Variants in BACH2 observed in about 807,000 individuals in gnomAD.
The protein encoded by BACH2 is BACH transcriptional regulator 2.
Under a neutral mutation model 61.8 loss-of-function variants are expected in BACH2, and 5 were observed. The observed-to-expected ratio is 0.08, with a 90% CI of 0.04 to 0.17. BACH2 has a LOEUF of 0.17. Among genes scored for constraint, BACH2 ranks in the 10% least tolerant of loss-of-function variants. The probability of loss-of-function intolerance (pLI) is 1.00; values close to 1 mark genes in which losing one functional copy is unlikely to be tolerated. For synonymous variants in BACH2, 446 were observed against 440.1 expected, an observed-to-expected ratio of 1.01 and a Z score of -0.17; for missense variants, 824 against 1,091.1, an observed-to-expected ratio of 0.76 and a Z score of 3.45.
At chr6:90,079,912 T>C (rs565352758) in intron 5 of BACH2, among the ~76,000 whole-genome samples, 1 of 152,072 alleles carries the variant, frequency 6.6e-6, no homozygotes, top group Non-Finnish European at 1.5e-5. Flanking sequence ...TGTTTGTACT[T>C]TCATTTTTTT....
intron 2 of BACH2, among the ~76,000 whole-genome samples, chr6:90,261,548 C>T (rs1397258993): frequency 6.6e-6 from 1 of 152,102 alleles, no homozygotes; most frequent in Non-Finnish European, 1.5e-5. Flanking sequence ...CTTGCTTGAC[C>T]CCTCTGAAGT....
rs375018039 is a variant in BACH2, at chr6:90,154,115, G to T, written c.-162+52454C>A. 1.8e-4 allele frequency among the ~76,000 whole-genome samples: 27 copies of T among 152,242 alleles called. No homozygotes were observed. In the South Asian group the frequency reaches 4.8e-3, roughly 27 times the overall value. ...TCAATAGCCCAACTCCCTACTCAGA[G>T]ATACTACTATAAAAGCTGTATTTTG... On this transcript the variant is annotated intron_variant, in intron 4 of 8. Transcript: ENST00000257749.
intron 4 of BACH2, among the ~76,000 whole-genome samples, chr6:90,175,009 G>A (rs1220669383): frequency 6.6e-6 from 1 of 151,962 alleles, no homozygotes; most frequent in African/African-American, 2.4e-5. Context: ...AGGTACATAA[G>A]GGTTTCAGTA....
At chr6:90,073,041 A>T (rs937985673) in intron 5 of BACH2, among the ~76,000 whole-genome samples, 1 of 152,284 alleles carries the variant, frequency 6.6e-6, no homozygotes, top group African/African-American at 2.4e-5. Context: ...GAAATGCAAC[A>T]GATGGTACTG....
intron 6 of BACH2, among the ~76,000 whole-genome samples, chr6:89,993,473 G>T (rs1209164631): frequency 6.6e-6 from 1 of 152,166 alleles, no homozygotes; most frequent in Non-Finnish European, 1.5e-5. Flanking sequence ...AGGCTCCTGA[G>T]AAGGAAGCAA....
chr6:90,016,062 T>G (rs937517482), intron 5 of BACH2, among the ~76,000 whole-genome samples: 1 of 152,208 alleles, frequency 6.6e-6, no homozygotes, highest in African/African-American at 2.4e-5. Context: ...CTACTTTGTC[T>G]CATATTAACA....
At chr6:89,978,834 AT>A (rs1463554725) in intron 6 of BACH2, among the ~76,000 whole-genome samples, 3 of 152,194 alleles carry the variant, frequency 2.0e-5, no homozygotes, top group African/African-American at 7.2e-5. Flanking sequence ...TCCCTGACTT[AT>A]AAACATCCCC....
At position 89,932,159 on chromosome 6, in the gene BACH2, A is replaced by G. The variant is rs1291489055; in HGVS notation, c.*249T>C. 4 of 438,398 alleles carry G rather than the reference A, an allele frequency of 9.1e-6. No individual in the cohort carries two copies. The Admixed American group carries it at 1.1e-4, about 12-fold the overall frequency. The allele number at this position is 438,398 out of a possible 1,614,324, so 27.2% of individuals were successfully genotyped here. A position where few individuals can be genotyped will look rare whatever the true frequency, so the allele number is the denominator to read the frequency against. ...TCCCTGTGAAGACTGAAATTGAGCC[A>G]CAGACAGACAGTGTCATCACTGCTG... On this transcript the variant is annotated 3_prime_UTR_variant, in exon 9 of 9. Transcript: ENST00000257749.
intron 6 of BACH2, among the ~76,000 whole-genome samples, chr6:89,997,462 A>G (rs902242428): frequency 1.3e-5 from 2 of 152,192 alleles, no homozygotes; most frequent in African/African-American, 4.8e-5. Context: ...GGTACAATTC[A>G]ATTCCTGTGC....
rs146842308 is a variant in BACH2 at position 90,168,548 on chromosome 6, G to A, written c.-162+38021C>T. On this transcript the variant is annotated intron_variant, in intron 4 of 8. Transcript: ENST00000257749. ...TGTGGTTGTATATAGGGGAAGGTCC[G>A]AAAGGATCTGTATTAGAGGTTCCCA... Among the ~76,000 whole-genome samples the A allele has an allele frequency of 5.3e-5, 8 of 152,196 alleles. No homozygotes were observed. In the East Asian group the frequency reaches 9.7e-4, roughly 18 times the overall value.
intron 2 of BACH2, among the ~76,000 whole-genome samples, chr6:90,259,114 T>C (rs1022131589): frequency 2.6e-5 from 4 of 152,170 alleles, no homozygotes; most frequent in Non-Finnish European, 5.9e-5. Context: ...TGAATAGAAG[T>C]GGTGAAAGTG....
At chr6:89,956,865 T>C (rs765756533) in intron 6 of BACH2, among the ~76,000 whole-genome samples, 2 of 152,192 alleles carry the variant, frequency 1.3e-5, no homozygotes, top group African/African-American at 2.4e-5. Context: ...GGCTGTAGCA[T>C]TGAGCCCATC....
intron 6 of BACH2, among the ~76,000 whole-genome samples, chr6:90,005,874 C>T (rs187340691): frequency 9.7e-4 from 148 of 152,298 alleles, no homozygotes; most frequent in African/African-American, 3.5e-3. Flanking sequence ...GTAGATGATG[C>T]AGGGATGATA....
rs1384140061 is a variant in BACH2, at chr6:90,276,468, T to C, written c.-445-4527A>G. Among the ~76,000 whole-genome samples the C allele has an allele frequency of 2.0e-5, 3 of 152,330 alleles. No homozygotes were observed. In the East Asian group the frequency reaches 5.8e-4, roughly 29 times the overall value. ...CATTAAAGGTAGACACTGAAGTCTT[T>C]TGTGTTGGCAAATCCTAGAACTACA... On this transcript the variant is annotated intron_variant, in intron 1 of 8. Transcript: ENST00000257749.
At chr6:89,936,538 T>C (rs1773035600) in intron 8 of BACH2, among the ~76,000 whole-genome samples, 1 of 152,188 alleles carries the variant, frequency 6.6e-6, no homozygotes, top group Non-Finnish European at 1.5e-5. Flanking sequence ...AGTTTGATTT[T>C]ATCAGGGATC....
chr6:90,002,264 C>A (rs1287126253), intron 6 of BACH2, among the ~76,000 whole-genome samples: 1 of 152,190 alleles, frequency 6.6e-6, no homozygotes, highest in Non-Finnish European at 1.5e-5. Flanking sequence ...CGAGAAAGCT[C>A]CAAGGCTCAA....
At chr6:90,179,216 TA>T (rs568072089) in intron 4 of BACH2, among the ~76,000 whole-genome samples, 176 of 148,674 alleles carry the variant, frequency 1.2e-3, no homozygotes, top group African/African-American at 3.6e-3. Flanking sequence ...TTCTATAAAT[TA>T]AAAAAAAAAT....
intron 5 of BACH2, among the ~76,000 whole-genome samples, chr6:90,041,789 T>G (rs1157719221): frequency 6.6e-6 from 1 of 152,200 alleles, no homozygotes; most frequent in Non-Finnish European, 1.5e-5. Context: ...AAAGTTTCCT[T>G]GATTGTGTTG....
At chr6:89,944,213 A>G (rs1463707376) in intron 7 of BACH2, among the ~76,000 whole-genome samples, 1 of 152,256 alleles carries the variant, frequency 6.6e-6, no homozygotes. Context: ...TCTAGGAGTC[A>G]CAGGGCGATA....
Sources: gnomAD v4.1 joint callset for allele counts (sites outside exome capture counted in the v4.1 genomes callset) on GRCh38, gnomAD v4.1.1 for gene constraint, MANE v1.5 for transcripts, NCBI Gene and HGNC (gene_info 2026-07-23, HGNC 2026-07-21) for gene names.